ZNF57: variants seen among roughly 807,000 people sequenced by gnomAD.
The protein encoded by ZNF57 is zinc finger protein 57, also known as zinc finger protein 424.
A neutral mutation model predicts 13.4 loss-of-function variants in ZNF57; 11 were observed. That is an observed-to-expected ratio of 0.82 (90% CI 0.52 to 1.36). The LOEUF (loss-of-function observed/expected upper bound fraction) is 1.36. Among genes scored for constraint, ZNF57 ranks in the 40% most tolerant of loss-of-function variants. The pLI is 0.00. For missense variants in ZNF57, 696 were observed against 667.5 expected (o/e 1.04, Z -0.47); for synonymous variants, 224 against 238.5 (o/e 0.94, Z 0.56).
Position 2,918,421 on chromosome 19 carries a change from C to T in ZNF57, c.*132C>T. 1 of 965,640 alleles carries T rather than the reference C, an allele frequency of 1.0e-6. No homozygotes were observed. The highest frequency in any genetic ancestry group is 1.5e-6 in the Non-Finnish European group (1 of 670,888). 59.8% of individuals were successfully genotyped at this position (965,640 alleles called of 1,614,324 possible). On this transcript the variant is annotated 3_prime_UTR_variant, in exon 4 of 4. Coordinates refer to ENST00000306908, the MANE Select transcript of ZNF57 (RefSeq NM_173480.3). ...TCAATACCTCATTTGTAAAACAGAC[C>T]CATTAGTCGTGAATTTCCAGCTCTT...
chr19:2,911,331 G>A (rs1007994311), intron 1 of ZNF57, among the ~76,000 whole-genome samples: 1 of 152,082 alleles, frequency 6.6e-6, no homozygotes, highest in Non-Finnish European at 1.5e-5. Flanking sequence ...AGGAGTTTGA[G>A]ACCAGCCTGG....
At chr19:2,903,707 G>A (rs1283230027) in intron 1 of ZNF57, among the ~76,000 whole-genome samples, 1 of 117,474 alleles carries the variant, frequency 8.5e-6, no homozygotes, top group African/African-American at 3.1e-5. Context: ...TTTTAATTTT[G>A]CCTCCTTTGA....
At chr19:2,903,846 G>C (rs1047889939) in intron 1 of ZNF57, among the ~76,000 whole-genome samples, 7 of 151,976 alleles carry the variant, frequency 4.6e-5, no homozygotes, top group African/African-American at 1.7e-4. Context: ...CTCCTGCGTA[G>C]CTGGGACTAC....
intron 1 of ZNF57, among the ~76,000 whole-genome samples, chr19:2,904,790 C>T (rs953543218): frequency 6.6e-6 from 1 of 152,166 alleles, no homozygotes; most frequent in Admixed American, 6.5e-5. Context: ...GATCTACCTG[C>T]CTCAGCCTCC....
rs564502547 is a variant in ZNF57 at position 2,910,719 on chromosome 19, C to T, written c.4-4803C>T. On this transcript the variant is annotated intron_variant, in intron 1 of 3. Transcript: ENST00000306908. ...TCGTGATCTGCCCGCCTCGGCCTCC[C>T]GAAGTGTTGGGGTTACAGGCGTGAG... Among the ~76,000 whole-genome samples, 5 of 111,708 alleles carry T rather than the reference C, an allele frequency of 4.5e-5. 1 individual carries two copies. Among genetic ancestry groups the T allele is most frequent in the East Asian group, 7.3e-4 (2 of 2,734 alleles). The allele number at this position is 111,708 out of a possible 152,430, so 73.3% of individuals were successfully genotyped here.
intron 1 of ZNF57, among the ~76,000 whole-genome samples, chr19:2,913,957 A>G (rs1214663084): frequency 6.6e-6 from 1 of 151,746 alleles, no homozygotes; most frequent in Non-Finnish European, 1.5e-5. Context: ...TTGTATTTCT[A>G]TTGTTTAAAA....
At chr19:2,915,227 G>A (rs569764481) in intron 1 of ZNF57, 24 of 268,286 alleles carry the variant, frequency 8.9e-5, no homozygotes, top group South Asian at 4.4e-4. Flanking sequence ...GGCCTGCTGC[G>A]TTATGCAACG....
chr19:2,917,523 C>T lies in ZNF57; in HGVS notation c.902C>T (p.Thr301Met), dbSNP rs771144544. The change falls in exon 4 of 4, where the codon ACG becomes ATG. Residue 301 changes from threonine (T) to methionine (M), a missense_variant. Thr to Met is a moderately conservative substitution (Grantham distance 81). This residue lies in a region of ZNF57 where 645 missense variants were observed against 591.5 expected (regional missense o/e 1.09). Transcript: ENST00000306908. ...CAGGCTTTTCAAAGACATGAGAAGA[C>T]GCACACGGGAGAGAAGCCCTATGAA... Reference protein sequence around the residue: ...YPQAFQRHEKTHTGEKPYECK... With the variant: ...YPQAFQRHEKMHTGEKPYECK... The T allele has an allele frequency of 2.4e-5, 38 of 1,613,252 alleles. No individual in the cohort carries two copies. Among genetic ancestry groups the T allele is most frequent in the African/African-American group, 2.3e-4 (17 of 74,734 alleles).
At chr19:2,902,839 C>T (rs899522803) in intron 1 of ZNF57, among the ~76,000 whole-genome samples, 2 of 152,156 alleles carry the variant, frequency 1.3e-5, no homozygotes, top group African/African-American at 4.8e-5. Context: ...AACTCCCTTC[C>T]CCCACTTACA....
intron 1 of ZNF57, chr19:2,912,143 TTGAGCC>T (rs1886181480): frequency 6.6e-6 from 1 of 152,218 alleles, no homozygotes; most frequent in Non-Finnish European, 1.5e-5. Flanking sequence ...CAGTCTATTC[TTGAGCC>T]TGTGCCCCGC....
At chr19:2,906,171 G>C (rs2088073857) in intron 1 of ZNF57, among the ~76,000 whole-genome samples, 1 of 152,172 alleles carries the variant, frequency 6.6e-6, no homozygotes, top group African/African-American at 2.4e-5. Flanking sequence ...TTCGGCCTCA[G>C]CCTCCTGAGT....
In ZNF57 at chr19:2,914,849, T is replaced by G. The variant is rs544996734; in HGVS notation, c.4-673T>G. On this transcript the variant is annotated intron_variant, in intron 1 of 3. Transcript: ENST00000306908. ...ACTTTACCATCTGTAGTCATGTCCC[T>G]TTGCTTAAATATGCCTTTGCTCCCT... 4.6e-5 allele frequency among the ~76,000 whole-genome samples: 7 copies of G among 152,320 alleles called. No individual in the cohort carries two copies. The East Asian group carries it at 1.3e-3, about 29-fold the overall frequency.
At chr19:2,911,217 C>A (rs1350149479) in intron 1 of ZNF57, among the ~76,000 whole-genome samples, 1 of 152,038 alleles carries the variant, frequency 6.6e-6, no homozygotes, top group Non-Finnish European at 1.5e-5. Flanking sequence ...GTATATGCCT[C>A]CAAGCCCAGC....
intron 1 of ZNF57, among the ~76,000 whole-genome samples, chr19:2,914,718 C>A (rs774445753): frequency 4.6e-5 from 7 of 152,162 alleles, no homozygotes; most frequent in African/African-American, 1.7e-4. Context: ...TACAGAAATG[C>A]TGCGTGTGTA....
intron 3 of ZNF57, 51 bp downstream of exon 3, chr19:2,916,300 CTAAGTATTGCTCCAAATA>C (rs1568183599): frequency 1.4e-6 from 2 of 1,452,010 alleles, no homozygotes; most frequent in South Asian, 2.9e-5. Context: ...AAATATATAT[CTAAGTATTGCTCCAAATA>C]TAAGCATTGC....
chr19:2,905,625 T>C lies in ZNF57; in HGVS notation c.3+4577T>C, dbSNP rs377755282. ...TAAAAAATACAAAAAATTAGCCGGG[T>C]GTGGTGGTGGGCGCCTGTAGTCCCA... On this transcript the variant is annotated intron_variant, in intron 1 of 3. Transcript: ENST00000306908. Among the ~76,000 whole-genome samples the C allele has an allele frequency of 3.4e-3, 511 of 150,510 alleles. 4 individuals are homozygous for C. Among genetic ancestry groups the C allele is most frequent in the South Asian group, 0.015 (70 of 4,732 alleles).
chr19:2,901,185 G>T, intron 1 of ZNF57, 137 bp downstream of exon 1: 1 of 1,240,514 alleles, frequency 8.1e-7, no homozygotes, highest in Non-Finnish European at 1.1e-6. Flanking sequence ...CTGGGACCCG[G>T]GGACGCCATC....
chr19:2,916,453 C>T, intron 3 of ZNF57: 1 of 458,136 alleles, frequency 2.2e-6, no homozygotes, highest in Non-Finnish European at 3.8e-6. Flanking sequence ...TGGCTCACGC[C>T]TGTAATCCCA....
chr19:2,915,359 GT>G (rs1489516502), intron 1 of ZNF57, 162 bp from the exon 2 acceptor site: 1 of 911,034 alleles, frequency 1.1e-6, no homozygotes, highest in Non-Finnish European at 1.6e-6. Context: ...GTGCCATGAA[GT>G]TTACTAGGAA....
Sources: allele counts gnomAD v4.1 joint callset (sites outside exome capture counted in the v4.1 genomes callset), GRCh38; gene constraint gnomAD v4.1.1; regional missense constraint gnomAD v4.1.1; transcripts MANE v1.5; gene names NCBI Gene and HGNC (gene_info 2026-07-23, HGNC 2026-07-21).